Variants in CPNE8 observed in about 807,000 individuals in gnomAD.
CPNE8 encodes copine-8.
A neutral mutation model predicts 81.5 loss-of-function variants in CPNE8; 45 were observed. The ratio of observed to expected loss-of-function variants is 0.55; its 90% CI spans 0.44 to 0.71. The LOEUF is 0.71. Ranked by LOEUF, CPNE8 falls within the 30% of genes least tolerant of loss-of-function variation. CPNE8 has a pLI of 0.00. For synonymous variants in CPNE8, 252 were observed against 226.3 expected, an observed-to-expected ratio of 1.11 and a Z score of -1.02; for missense variants, 594 against 672.1, an observed-to-expected ratio of 0.88 and a Z score of 1.28.
rs1173993517 is a variant in CPNE8 at position 38,652,274 on chromosome 12, A to G, written c.*1608T>C. 1 of 152,280 alleles carries G rather than the reference A, an allele frequency of 6.6e-6. No homozygotes were observed. The highest frequency in any genetic ancestry group is 6.5e-5 in the Admixed American group (1 of 15,276). 9.4% of individuals were successfully genotyped at this position (152,280 alleles called of 1,614,324 possible). On this transcript the variant is annotated 3_prime_UTR_variant, in exon 20 of 20. Transcript: ENST00000331366. ...AAATTTAAAAATCTGTAGGTAATAC[A>G]CTGTAGTGGCATAAATATTTAAGAT... is the stretch of plus-strand genomic sequence containing the variant.
chr12:38,878,395 T>G (rs1405044604), intron 1 of CPNE8, among the ~76,000 whole-genome samples: 7 of 152,160 alleles, frequency 4.6e-5, no homozygotes, highest in Admixed American at 3.3e-4. Context: ...AAGCAGGAAT[T>G]TAGCAACACC....
At chr12:38,853,005 G>A (rs1309794877) in intron 3 of CPNE8, among the ~76,000 whole-genome samples, 3 of 152,026 alleles carry the variant, frequency 2.0e-5, no homozygotes, top group Admixed American at 1.3e-4. Context: ...AAACTTTCAG[G>A]CAGTTTTCCT....
chr12:38,858,502 T>C (rs1943781096), intron 3 of CPNE8, among the ~76,000 whole-genome samples: 1 of 152,268 alleles, frequency 6.6e-6, no homozygotes, highest in Admixed American at 6.5e-5. Flanking sequence ...ATACTCACTT[T>C]TAACTACATG....
intron 15 of CPNE8, among the ~76,000 whole-genome samples, chr12:38,689,748 T>C (rs1305381180): frequency 6.6e-6 from 1 of 152,228 alleles, no homozygotes; most frequent in Non-Finnish European, 1.5e-5. Flanking sequence ...CGTTTCTCTA[T>C]TGGTCCGCAT....
chr12:38,904,943 A>G (rs1374422459), intron 1 of CPNE8, among the ~76,000 whole-genome samples: 1 of 152,162 alleles, frequency 6.6e-6, no homozygotes, highest in East Asian at 1.9e-4. Context: ...GGGGAGAAGC[A>G]AGCTGGAAGG....
At chr12:38,737,106 C>T (rs955360457) in intron 10 of CPNE8, among the ~76,000 whole-genome samples, 4 of 151,534 alleles carry the variant, frequency 2.6e-5, no homozygotes, top group African/African-American at 9.7e-5. Flanking sequence ...TAATTTTTTT[C>T]AGAGTAATGG....
At chr12:38,819,543 G>A (rs1230360133) in intron 6 of CPNE8, among the ~76,000 whole-genome samples, 3 of 151,900 alleles carry the variant, frequency 2.0e-5, no homozygotes, top group East Asian at 1.9e-4. Context: ...CGAGGCAGGC[G>A]GATCACAAGG....
chr12:38,906,729 T>G, upstream of CPNE8: 19 of 443,704 alleles, frequency 4.3e-5, no homozygotes, highest in South Asian at 9.4e-5. Context: ...GGGACCTTTG[T>G]TCCCCGCGCC....
chr12:38,723,725 T>C (rs767929359), intron 13 of CPNE8, 47 bp downstream of exon 13: 1 of 1,215,940 alleles, frequency 8.2e-7, no homozygotes, highest in African/African-American at 1.5e-5. Flanking sequence ...GTTACACAAA[T>C]TTTAGGAAAT....
intron 3 of CPNE8, among the ~76,000 whole-genome samples, chr12:38,863,421 C>T (rs540171874): frequency 1.6e-4 from 24 of 152,320 alleles, no homozygotes; most frequent in African/African-American, 5.8e-4. Context: ...ACCAATTTTA[C>T]TCATATTCCT....
At chr12:38,787,521 T>C (rs1942222082) in intron 6 of CPNE8, among the ~76,000 whole-genome samples, 1 of 134,808 alleles carries the variant, frequency 7.4e-6, no homozygotes, top group South Asian at 2.3e-4. Context: ...AAATGAACAA[T>C]CTAACAATGC....
At chr12:38,754,196 C>T (rs536409698) in intron 10 of CPNE8, among the ~76,000 whole-genome samples, 1 of 152,020 alleles carries the variant, frequency 6.6e-6, no homozygotes, top group East Asian at 1.9e-4. Flanking sequence ...AATGGTGAAG[C>T]CAAGCAAATA....
In CPNE8 at chr12:38,890,382, T is replaced by C. The variant is rs377428550; in HGVS notation, c.98+15055A>G. On this transcript the variant is annotated intron_variant, in intron 1 of 19. Coordinates refer to ENST00000331366, the MANE Select transcript of CPNE8 (RefSeq NM_153634.3). ...GTGTAGGAAAGACATGATTTATGGA[T>C]AGTGACTTGACTTAAGTAAACTTCC... 4.0e-5 allele frequency among the ~76,000 whole-genome samples: 6 copies of C among 151,838 alleles called. No homozygotes were observed. The South Asian group carries it at 1.2e-3, about 31-fold the overall frequency.
At chr12:38,657,523 T>C (rs115671186) in intron 19 of CPNE8, among the ~76,000 whole-genome samples, 2,548 of 152,250 alleles carry the variant, frequency 0.017, 54 homozygotes, top group African/African-American at 0.058. Flanking sequence ...GAGAGAGCAG[T>C]GGTTCTCCCA....
intron 6 of CPNE8, among the ~76,000 whole-genome samples, chr12:38,782,676 T>C (rs1208902991): frequency 6.6e-6 from 1 of 150,870 alleles, no homozygotes; most frequent in Non-Finnish European, 1.5e-5. Context: ...TTTTTTGTTT[T>C]GTTTTTGTTT....
chr12:38,700,106 A>T (rs1939902674), intron 14 of CPNE8, among the ~76,000 whole-genome samples: 1 of 152,300 alleles, frequency 6.6e-6, no homozygotes, highest in African/African-American at 2.4e-5. Flanking sequence ...ATAATGTTCA[A>T]TAGAAGAGGT....
chr12:38,874,929 T>C (rs1354893684), intron 1 of CPNE8, among the ~76,000 whole-genome samples: 1 of 152,206 alleles, frequency 6.6e-6, no homozygotes, highest in African/African-American at 2.4e-5. Context: ...GAGCACATGA[T>C]CACGTTAGTC....
intron 6 of CPNE8, among the ~76,000 whole-genome samples, chr12:38,795,832 C>T (rs540316595): frequency 1.4e-5 from 2 of 145,986 alleles, no homozygotes; most frequent in East Asian, 2.0e-4. Flanking sequence ...AAACTGTACA[C>T]TTAAAATGGT....
chr12:38,682,161 A>G (rs1205338891), intron 16 of CPNE8, among the ~76,000 whole-genome samples: 1 of 152,176 alleles, frequency 6.6e-6, no homozygotes, highest in Non-Finnish European at 1.5e-5. Context: ...TGGAGTTTGC[A>G]ATGAGCTGAC....
Sources: gnomAD v4.1 joint callset for allele counts (sites outside exome capture counted in the v4.1 genomes callset) on GRCh38, gnomAD v4.1.1 for gene constraint, MANE v1.5 for transcripts, NCBI Gene and HGNC (gene_info 2026-07-23, HGNC 2026-07-21) for gene names.